The following STAB2 variants were observed in gnomAD, a reference collection of about 807,000 sequenced individuals.
STAB2 encodes stabilin 2.
A neutral mutation model predicts 338.1 loss-of-function variants in STAB2; 288 were observed. That is an observed-to-expected ratio of 0.85 (90% CI 0.77 to 0.94). The LOEUF is 0.94. STAB2 is among the 40% of genes least tolerant of loss of function. The probability of loss-of-function intolerance (pLI) is 0.00; values close to 1 mark genes in which losing one functional copy is unlikely to be tolerated. For synonymous variants in STAB2, 1,202 were observed against 1,193.3 expected, an observed-to-expected ratio of 1.01 and a Z score of -0.15; for missense variants, 3,141 against 3,210.1, an observed-to-expected ratio of 0.98 and a Z score of 0.52.
intron 63 of STAB2, 71 bp downstream of exon 63, chr12:103,755,789 A>T: frequency 6.9e-7 from 1 of 1,452,402 alleles, no homozygotes; most frequent in Non-Finnish European, 9.6e-7. Flanking sequence ...TAGAGGGGTG[A>T]GGCCTTAAGC....
intron 59 of STAB2, 49 bp downstream of exon 59, chr12:103,749,205 G>C: frequency 6.5e-7 from 1 of 1,533,544 alleles, no homozygotes; most frequent in Non-Finnish European, 8.8e-7. Flanking sequence ...CGTGGGCTTC[G>C]CTCCTCCTTG....
chr12:103,645,729 C>T (rs1325475601), intron 9 of STAB2, among the ~76,000 whole-genome samples: 1 of 152,198 alleles, frequency 6.6e-6, no homozygotes, highest in Non-Finnish European at 1.5e-5. Flanking sequence ...ATCTACTTTA[C>T]TAATTCCTTA....
intron 45 of STAB2, among the ~76,000 whole-genome samples, chr12:103,725,300 T>G (rs1314114378): frequency 6.6e-6 from 1 of 152,180 alleles, no homozygotes; most frequent in Non-Finnish European, 1.5e-5. Flanking sequence ...ATGTAGGGAT[T>G]AAGGTGGACC....
rs1310356686 is a variant in STAB2 at position 103,753,353 on chromosome 12, G to A, written c.6714G>A (p.Lys2238=). 4.3e-6 allele frequency: 7 copies of A among 1,614,120 alleles called. No homozygotes were observed. Among genetic ancestry groups the A allele is most frequent in the Non-Finnish European group, 5.9e-6 (7 of 1,180,032 alleles). ...ACAACCAGCTCTCCTATGCCCAGAAGGTGGGTCTTCAGTTAGCAGATTCTG... is the reference window on the plus strand; with the variant it reads ...ACAACCAGCTCTCCTATGCCCAGAAAGTGGGTCTTCAGTTAGCAGATTCTG... ...ATYNQLSYAQ[K]AKYHLCSAGW... is the part of the protein sequence containing the mutation. The change falls in exon 61 of 69, where the codon AAG becomes AAA. Residue 2238 remains lysine (K), a splice_region_variant and synonymous_variant. Coordinates refer to ENST00000388887, the MANE Select transcript of STAB2 (RefSeq NM_017564.10).
chr12:103,640,111 T>C lies in STAB2; in HGVS notation c.907-12T>C, dbSNP rs774411687. 7.5e-6 allele frequency: 12 copies of C among 1,596,848 alleles called. No homozygotes were observed. In the South Asian group the frequency reaches 1.4e-4, roughly 18 times the overall value. ...AGGATCCTATTTGTTTTTCTCTTCC[T>C]GTCTACTGAAGTCTCACTGCGAGTG... On this transcript the variant is annotated splice_polypyrimidine_tract_variant and intron_variant, in intron 8 of 68. Transcript: ENST00000388887.
intron 21 of STAB2, among the ~76,000 whole-genome samples, chr12:103,670,481 A>G (rs1358089116): frequency 6.6e-6 from 1 of 152,106 alleles, no homozygotes; most frequent in Non-Finnish European, 1.5e-5. Context: ...CCCTTGAGTG[A>G]CTTCCCTTAA....
chr12:103,631,957 T>A (rs1479286211), intron 6 of STAB2, among the ~76,000 whole-genome samples: 1 of 151,832 alleles, frequency 6.6e-6, no homozygotes, highest in African/African-American at 2.4e-5. Flanking sequence ...GGAGGCCAGG[T>A]GAAGGGTAGA....
At chr12:103,705,879 G>C (rs1019744520) in intron 37 of STAB2, 152 bp downstream of exon 37, 23 of 736,136 alleles carry the variant, frequency 3.1e-5, no homozygotes, top group Middle Eastern at 2.5e-4. Context: ...ATGTAGTAGT[G>C]GTAGCAGTAA....
chr12:103,653,705 T>G, intron 12 of STAB2, among the ~76,000 whole-genome samples: 1 of 127,748 alleles, frequency 7.8e-6, no homozygotes, highest in East Asian at 2.3e-4. Context: ...ACTGGATGGA[T>G]GGATAGATGG....
intron 22 of STAB2, among the ~76,000 whole-genome samples, chr12:103,673,245 G>T (rs1875988528): frequency 6.6e-6 from 1 of 152,164 alleles, no homozygotes; most frequent in South Asian, 2.1e-4. Context: ...CAACCAGGAA[G>T]TAGTTGAAAA....
chr12:103,686,427 C>T (rs752262752), intron 27 of STAB2, among the ~76,000 whole-genome samples: 13 of 152,296 alleles, frequency 8.5e-5, no homozygotes, highest in South Asian at 2.1e-4. Context: ...GCTTTCACGA[C>T]GTCCCTCTCC....
At chr12:103,633,596 C>T (rs969311982) in intron 6 of STAB2, among the ~76,000 whole-genome samples, 3 of 152,176 alleles carry the variant, frequency 2.0e-5, no homozygotes, top group Admixed American at 6.5e-5. Context: ...CCGGGAGAAT[C>T]GCTCGAACCC....
chr12:103,607,954 A>G (rs1957058474), intron 3 of STAB2, among the ~76,000 whole-genome samples: 1 of 152,204 alleles, frequency 6.6e-6, no homozygotes, highest in African/African-American at 2.4e-5. Context: ...TCCCTGAGGA[A>G]TCGCCACACT....
Position 103,677,437 on chromosome 12 carries a change from T to A in STAB2, c.2647-16T>A. ...CTGAGGATTCAGAGGCTTTGCTTTT[T>A]CTTTTCCTCCTGCAGGCAGAATGCA... On this transcript the variant is annotated splice_polypyrimidine_tract_variant and intron_variant, in intron 24 of 68. Transcript: ENST00000388887. The A allele has an allele frequency of 6.3e-7, 1 of 1,596,462 alleles. No individual in the cohort carries two copies. Among genetic ancestry groups the A allele is most frequent in the Non-Finnish European group, 8.6e-7 (1 of 1,165,884 alleles).
rs1273038500 is a variant in STAB2 at position 103,630,932 on chromosome 12, G to A, written c.488-666G>A. Among the ~76,000 whole-genome samples, 5 of 152,216 alleles carry A rather than the reference G, an allele frequency of 3.3e-5. 1 individual carries two copies. The highest frequency in any genetic ancestry group is 3.3e-4 in the Admixed American group (5 of 15,282). ...TGTGGAACTTGTTATGACAGTGATA[G>A]AAAACTAATACAACATGCTGCAGAC... On this transcript the variant is annotated intron_variant, in intron 5 of 68. Coordinates refer to ENST00000388887, the MANE Select transcript of STAB2 (RefSeq NM_017564.10).
intron 52 of STAB2, among the ~76,000 whole-genome samples, chr12:103,736,758 C>T (rs74841431): frequency 0.021 from 3,217 of 152,166 alleles, 102 homozygotes; most frequent in African/African-American, 0.071. Context: ...TGAGTGAACA[C>T]GCAAGGCTTT....
Position 103,706,947 on chromosome 12 carries a change from G to A in STAB2, c.4152G>A (p.Glu1384=). 1 of 1,614,226 alleles carries A rather than the reference G, an allele frequency of 6.2e-7. No individual in the cohort carries two copies. Residue 1384 remains glutamate (E), a synonymous_variant, in exon 38 of 69, where the codon GAG becomes GAA. Coordinates refer to ENST00000388887, the MANE Select transcript of STAB2 (RefSeq NM_017564.10). ...AGGGCTTCAGCGGCACAGCCTGCGA[G>A]ACCTGCACCGAGGGCAAGTACGGCA... ...CGEGFSGTAC[E]TCTEGKYGIH...
At chr12:103,650,448 A>C in intron 10 of STAB2, 48 bp from the exon 11 acceptor site, 1 of 1,554,568 alleles carries the variant, frequency 6.4e-7, no homozygotes, top group Non-Finnish European at 8.9e-7. Context: ...CTCCTGTACC[A>C]CTGACTCATT....
intron 60 of STAB2, 57 bp downstream of exon 60, chr12:103,750,777 G>C: frequency 6.5e-7 from 1 of 1,543,008 alleles, no homozygotes; most frequent in Middle Eastern, 1.8e-4. Context: ...CCTGGGGAAG[G>C]GACCCTCAAG....
Sources: gnomAD v4.1 joint callset for allele counts (sites outside exome capture counted in the v4.1 genomes callset) on GRCh38, gnomAD v4.1.1 for gene constraint, MANE v1.5 for transcripts, NCBI Gene and HGNC (gene_info 2026-07-23, HGNC 2026-07-21) for gene names.